CSMD1: variants seen among roughly 807,000 people sequenced by gnomAD.
The protein encoded by CSMD1 is CUB and Sushi multiple domains 1, also known as CUB and sushi domain-containing protein 1.
In CSMD1, 213 loss-of-function variants were observed where a neutral mutation model predicts 417.5. The ratio of observed to expected loss-of-function variants is 0.51; its 90% CI spans 0.46 to 0.57. CSMD1 has a LOEUF of 0.57. CSMD1 is among the 20% of genes least tolerant of loss of function. CSMD1 has a pLI of 0.00. For missense variants in CSMD1, 6,923 were observed against 4,529.7 expected, an observed-to-expected ratio of 1.53 and a Z score of -15.17; for synonymous variants, 2,862 against 1,736.8, an observed-to-expected ratio of 1.65 and a Z score of -16.11.
intron 3 of CSMD1, among the ~76,000 whole-genome samples, chr8:4,325,793 C>A (rs948888625): frequency 6.6e-6 from 1 of 152,082 alleles, no homozygotes; most frequent in South Asian, 2.1e-4. Flanking sequence ...AATGCTGGCC[C>A]ATTTAAAATG....
chr8:2,965,896 G>A lies in CSMD1; in HGVS notation c.9159C>T (p.Phe3053=), dbSNP rs760407856. ...GATAGCTCACAGTCTTGTTGAAGGT[G>A]AAGTCGGTCCCAAACTGGATGCCAT... ...LANGIQFGTD[F]TFNKTVSYQC... is the part of the protein sequence containing the mutation. Residue 3053 remains phenylalanine (F), a synonymous_variant, in exon 59 of 70, where the codon TTC becomes TTT. Transcript: ENST00000635120. The A allele has an allele frequency of 3.5e-5, 57 of 1,610,298 alleles. No individual in the cohort carries two copies. Among genetic ancestry groups the A allele is most frequent in the Non-Finnish European group, 4.5e-5 (53 of 1,178,404 alleles).
At chr8:4,452,061 G>C (rs1183069589) in intron 2 of CSMD1, among the ~76,000 whole-genome samples, 4 of 151,922 alleles carry the variant, frequency 2.6e-5, no homozygotes, top group African/African-American at 9.7e-5. Flanking sequence ...GGAAGATTAG[G>C]GGCCAGAATG....
At chr8:4,059,451 A>G (rs576032164) in intron 3 of CSMD1, among the ~76,000 whole-genome samples, 2 of 152,326 alleles carry the variant, frequency 1.3e-5, no homozygotes, top group East Asian at 3.9e-4. Flanking sequence ...TCAGAGCAGA[A>G]CTGAAGGAAA....
At chr8:3,263,630 T>C (rs1300658547) in intron 26 of CSMD1, among the ~76,000 whole-genome samples, 1 of 152,202 alleles carries the variant, frequency 6.6e-6, no homozygotes, top group Non-Finnish European at 1.5e-5. Context: ...TTTTGAGAGA[T>C]TGATAACATA....
intron 1 of CSMD1, among the ~76,000 whole-genome samples, chr8:4,643,325 T>C (rs576661196): frequency 6.6e-6 from 1 of 152,336 alleles, no homozygotes; most frequent in East Asian, 1.9e-4. Context: ...GGTTTTCATG[T>C]CTATATAAAT....
intron 50 of CSMD1, among the ~76,000 whole-genome samples, chr8:3,034,397 C>A (rs192257782): frequency 6.6e-6 from 1 of 152,100 alleles, no homozygotes; most frequent in Non-Finnish European, 1.5e-5. Flanking sequence ...TACAGTTAGG[C>A]TGAAAAACTG....
At chr8:4,839,703 G>C (rs567208987) in intron 1 of CSMD1, among the ~76,000 whole-genome samples, 3 of 152,218 alleles carry the variant, frequency 2.0e-5, no homozygotes, top group Admixed American at 6.5e-5. Flanking sequence ...TGAACTCAAA[G>C]ATAAGTACAA....
intron 2 of CSMD1, among the ~76,000 whole-genome samples, chr8:4,580,258 G>A (rs58707456): frequency 0.2 from 30,726 of 151,956 alleles, 3,399 homozygotes; most frequent in African/African-American, 0.31. Context: ...CTCTGCTCTC[G>A]GCTGTGGTCA....
At chr8:3,308,629 T>C in intron 23 of CSMD1, 126 bp from the exon 24 acceptor site, 1 of 690,988 alleles carries the variant, frequency 1.4e-6, no homozygotes, top group African/African-American at 1.8e-5. Context: ...AGATTGTGAA[T>C]TTACAAAGGG....
intron 3 of CSMD1, among the ~76,000 whole-genome samples, chr8:4,356,326 T>G (rs896279728): frequency 1.9e-5 from 2 of 106,716 alleles, no homozygotes; most frequent in African/African-American, 7.8e-5. Context: ...TCATCATATG[T>G]AATACACACA....
chr8:3,346,342 A>G (rs929823734), intron 22 of CSMD1, among the ~76,000 whole-genome samples: 1 of 152,232 alleles, frequency 6.6e-6, no homozygotes, highest in Admixed American at 6.5e-5. Context: ...CACCTGCACT[A>G]AAGTATAGTT....
intron 1 of CSMD1, among the ~76,000 whole-genome samples, chr8:4,674,070 T>C (rs1585430303): frequency 1.3e-5 from 2 of 152,300 alleles, no homozygotes; most frequent in Admixed American, 1.3e-4. Flanking sequence ...AATGGAGACT[T>C]TCTCACTTAT....
intron 4 of CSMD1, among the ~76,000 whole-genome samples, chr8:4,012,835 G>A (rs770235458): frequency 1.3e-5 from 2 of 152,040 alleles, no homozygotes; most frequent in Admixed American, 6.5e-5. Context: ...AGTGTTGCAC[G>A]AGAAGACACA....
Position 3,162,165 on chromosome 8 carries a change from G to T in CSMD1, c.5838C>A (p.Thr1946=), listed in dbSNP as rs376082130. 4 of 1,596,744 alleles carry T rather than the reference G, an allele frequency of 2.5e-6. No homozygotes were observed. Among genetic ancestry groups the T allele is most frequent in the Non-Finnish European group, 3.4e-6 (4 of 1,168,676 alleles). Reference sequence around the variant, plus strand: ...GCACTGAGAAGAAGGATACCTGCAGGGTGTACCCGGGCTCGCACTGGAAGG... The same window carrying T: ...GCACTGAGAAGAAGGATACCTGCAGTGTGTACCCGGGCTCGCACTGGAAGG... ...VLSFQCEPGY[T]LQGRSHISCM... The change falls in exon 38 of 70, where the codon ACC becomes ACA. Residue 1946 remains threonine (T), a synonymous_variant. Transcript: ENST00000635120.
chr8:3,999,273 G>T (rs966254846), intron 4 of CSMD1, among the ~76,000 whole-genome samples: 1 of 152,020 alleles, frequency 6.6e-6, no homozygotes, highest in South Asian at 2.1e-4. Context: ...TACCAAGATG[G>T]GGGGAGTTTG....
At chr8:3,069,345 G>A (rs1040082108) in intron 49 of CSMD1, among the ~76,000 whole-genome samples, 3 of 151,764 alleles carry the variant, frequency 2.0e-5, no homozygotes, top group Non-Finnish European at 4.4e-5. Flanking sequence ...TAAGGCAGGA[G>A]ACTCACTTGA....
chr8:4,213,910 G>A (rs979681139), intron 3 of CSMD1, among the ~76,000 whole-genome samples: 6 of 152,138 alleles, frequency 3.9e-5, no homozygotes, highest in Non-Finnish European at 7.4e-5. Context: ...ATGAATGGAG[G>A]GATGACTCAT....
chr8:3,918,491 T>C lies in CSMD1; in HGVS notation c.818+79412A>G, dbSNP rs911611428. ...ATACCTGTTGGACGTTTGTATGTCT[T>C]TGCAGATATATCTACTTGGGTTATT... is the stretch of plus-strand genomic sequence containing the variant. On this transcript the variant is annotated intron_variant, in intron 5 of 69. Transcript: ENST00000635120. Among the ~76,000 whole-genome samples the C allele has an allele frequency of 3.3e-5, 5 of 152,344 alleles. No homozygotes were observed. In the East Asian group the frequency reaches 9.6e-4, roughly 29 times the overall value.
intron 7 of CSMD1, among the ~76,000 whole-genome samples, chr8:3,619,753 G>A (rs1335233696): frequency 6.6e-6 from 1 of 151,756 alleles, no homozygotes; most frequent in Non-Finnish European, 1.5e-5. Flanking sequence ...CTATCAACAG[G>A]TTTCTCCATA....
Sources: gnomAD v4.1 joint callset for allele counts (sites outside exome capture counted in the v4.1 genomes callset) on GRCh38, gnomAD v4.1.1 for gene constraint, MANE v1.5 for transcripts, NCBI Gene and HGNC (gene_info 2026-07-23, HGNC 2026-07-21) for gene names.